The following SDR9C7 variants were observed in gnomAD, a reference collection of about 807,000 sequenced individuals.
SDR9C7 encodes the protein short chain dehydrogenase/reductase family 9C member 7.
SDR9C7 carries 11 observed loss-of-function variants against 23.6 expected under a neutral mutation model. The ratio of observed to expected loss-of-function variants is 0.47; its 90% confidence interval spans 0.29 to 0.77. The LOEUF (loss-of-function observed/expected upper bound fraction) is 0.77. SDR9C7 is among the 30% of genes least tolerant of loss of function. The pLI, the probability that SDR9C7 is intolerant of heterozygous loss-of-function variation, is 0.09. For synonymous variants in SDR9C7, 167 were observed against 157.3 expected (o/e 1.06, Z -0.46); for missense variants, 387 against 407.1 (o/e 0.95, Z 0.42).
chr12:56,929,585 C>T (rs755895744), intron 2 of SDR9C7, 32 bp from the exon 3 acceptor site: 1 of 1,587,148 alleles, frequency 6.3e-7, no homozygotes, highest in South Asian at 1.1e-5. Context: ...CAGTCTGGGC[C>T]CCAAGATGAC....
At chr12:56,929,649 T>C in intron 2 of SDR9C7, 96 bp from the exon 3 acceptor site, 1 of 1,384,120 alleles carries the variant, frequency 7.2e-7, no homozygotes, top group South Asian at 1.3e-5. Flanking sequence ...AACCTAGAGA[T>C]GCTTCTCTCA....
Position 56,934,080 on chromosome 12 carries a change from C to A in SDR9C7, c.182G>T (p.Gly61Val). 6.2e-7 allele frequency: 1 copy of A among 1,614,202 alleles called. No homozygotes were observed. Among genetic ancestry groups the A allele is most frequent in the Non-Finnish European group, 8.5e-7 (1 of 1,180,036 alleles). ...GGTATCCCGCTGAAGTTTCTGGGAT[C>A]CCTCCTCAGTGAAGCAAGCAGCCAG... The part of the protein sequence containing the change: ...QVLAACFTEE[G>V]SQKLQRDTSY... Residue 61 changes from glycine (G) to valine (V), a missense_variant, in exon 1 of 4, where the codon GGA (glycine) becomes GTA (valine). Transcript: ENST00000293502.
chr12:56,934,248 G>C lies in SDR9C7; in HGVS notation c.14C>G (p.Thr5Arg). ...CCAGCGATACATAAATGAGAGGTCTGTGAGGGCCGCCATAGGGCAAGGGGA... is the reference window on the plus strand; with the variant it reads ...CCAGCGATACATAAATGAGAGGTCTCTGAGGGCCGCCATAGGGCAAGGGGA... The part of the protein sequence containing the change: MAAL[T>R]DLSFMYRWFK... Residue 5 changes from threonine to arginine, a missense_variant, in exon 1 of 4, where the codon ACA becomes AGA. Thr to Arg is a moderately conservative substitution (Grantham distance 71). Coordinates refer to ENST00000293502, the MANE Select transcript of SDR9C7 (RefSeq NM_148897.3). The C allele has an allele frequency of 6.2e-7, 1 of 1,613,338 alleles. No individual in the cohort carries two copies. Among genetic ancestry groups the C allele is most frequent in the African/African-American group, 1.3e-5 (1 of 75,062 alleles).
Position 56,923,552 on chromosome 12 carries a change from A to G in SDR9C7, c.*281T>C. ...CCATGACTTTTCCAGGACCAGAAAAAGCTGTATCCTGATTGGGTGACAGAC... is the reference window on the plus strand; with the variant it reads ...CCATGACTTTTCCAGGACCAGAAAAGGCTGTATCCTGATTGGGTGACAGAC... On this transcript the variant is annotated 3_prime_UTR_variant, in exon 4 of 4. Transcript: ENST00000293502. The G allele has an allele frequency of 3.7e-6, 1 of 268,628 alleles. No individual in the cohort carries two copies. Among genetic ancestry groups the G allele is most frequent in the Non-Finnish European group, 7.0e-6 (1 of 142,998 alleles). The allele number at this position is 268,628 out of a possible 1,614,324, so 16.6% of individuals were successfully genotyped here. A position where few individuals can be genotyped will look rare whatever the true frequency, so the allele number is the denominator to read the frequency against.
chr12:56,925,554 C>T (rs941034053), intron 3 of SDR9C7, among the ~76,000 whole-genome samples: 1 of 152,150 alleles, frequency 6.6e-6, no homozygotes, highest in African/African-American at 2.4e-5. Flanking sequence ...GTCCCCTTCA[C>T]CCCAGACTCC....
At position 56,934,320 on chromosome 12, in the gene SDR9C7, G is replaced by A. The variant is rs1955785991; in HGVS notation, c.-59C>T. Reference sequence around the variant, plus strand: ...GGGCTCAGGAGACAGCAGGGAAGAAGCTGGTCCTCTGAGCCCTAGCAGGCA... The same window carrying A: ...GGGCTCAGGAGACAGCAGGGAAGAAACTGGTCCTCTGAGCCCTAGCAGGCA... On this transcript the variant is annotated 5_prime_UTR_variant, in exon 1 of 4. Coordinates refer to ENST00000293502, the MANE Select transcript of SDR9C7 (RefSeq NM_148897.3). 1.4e-6 allele frequency: 2 copies of A among 1,478,276 alleles called. No individual in the cohort carries two copies. The highest frequency in any genetic ancestry group is 2.8e-5 in the African/African-American group (2 of 72,136). The allele number at this position is 1,478,276 out of a possible 1,614,324, so 91.6% of individuals were successfully genotyped here.
rs1246589029 is a variant in SDR9C7 at position 56,923,891 on chromosome 12, G to A, written c.884C>T (p.Thr295Ile). 6 of 1,614,034 alleles carry A rather than the reference G, an allele frequency of 3.7e-6. No homozygotes were observed. In the East Asian group the frequency reaches 8.9e-5, roughly 24 times the overall value. Reference protein sequence around the residue: ...LLYIPLAKLPTPVTDFILSRY... With the variant: ...LLYIPLAKLPIPVTDFILSRY... ...GCTTAGGATGAAATCTGTCACAGGG[G>A]TGGGCAACTTAGCCAGAGGGATGTA... The change falls in exon 4 of 4, where the codon ACC becomes ATC. Residue 295 changes from threonine (T) to isoleucine (I), a missense_variant. Coordinates refer to ENST00000293502, the MANE Select transcript of SDR9C7 (RefSeq NM_148897.3).
At chr12:56,931,059 CCT>C (rs1263188701) in intron 1 of SDR9C7, among the ~76,000 whole-genome samples, 2 of 151,888 alleles carry the variant, frequency 1.3e-5, no homozygotes, top group Non-Finnish European at 2.9e-5. Flanking sequence ...GAGTAAGACC[CCT>C]GTCTCTACAA....
chr12:56,929,279 G>A (rs1180998581), intron 3 of SDR9C7, 111 bp downstream of exon 3: 58 of 1,070,852 alleles, frequency 5.4e-5, no homozygotes, highest in Non-Finnish European at 2.8e-6. Context: ...GTGACCTTGG[G>A]TCCTGAACTC....
chr12:56,927,075 C>T (rs992910147), intron 3 of SDR9C7, among the ~76,000 whole-genome samples: 3 of 152,140 alleles, frequency 2.0e-5, no homozygotes, highest in South Asian at 2.1e-4. Flanking sequence ...CTTGGGAAAA[C>T]GTTTATCTAA....
chr12:56,926,745 C>T (rs1592422112), intron 3 of SDR9C7, among the ~76,000 whole-genome samples: 1 of 152,304 alleles, frequency 6.6e-6, no homozygotes, highest in East Asian at 1.9e-4. Flanking sequence ...CAAAAGCATA[C>T]AATGCTATGT....
In SDR9C7 at chr12:56,930,343, A is replaced by C. The variant is rs1306813030; in HGVS notation, c.443T>G (p.Val148Gly). The change falls in exon 2 of 4, where the codon GTC becomes GGC. Residue 148 changes from valine to glycine, a missense_variant. Transcript: ENST00000293502. ...GACAACCCTGCCCCGGGCTCTCTTG[A>C]CCATGGGCAGCATGTGAAGGGTCAC... is the stretch of plus-strand genomic sequence containing the variant. The part of the protein sequence containing the change: ...IEVTLHMLPM[V>G]KRARGRVVNM... 2 of 1,613,996 alleles carry C rather than the reference A, an allele frequency of 1.2e-6. No individual in the cohort carries two copies. Among genetic ancestry groups the C allele is most frequent in the East Asian group, 2.2e-5 (1 of 44,888 alleles).
chr12:56,930,480 G>C lies in SDR9C7; in HGVS notation c.306C>G (p.Leu102=). Residue 102 remains leucine (L), a synonymous_variant, in exon 2 of 4, where the codon CTC becomes CTG. Coordinates refer to ENST00000293502, the MANE Select transcript of SDR9C7 (RefSeq NM_148897.3). The stretch of plus-strand genomic sequence containing the variant: ...CACCAGCATTGTTCACCAGGGCCCA[G>C]AGGCCTGGGGGTGAGATGAACCACA... The part of the protein sequence containing the change: ...WVRDKVGEQG[L]WALVNNAGVG... 6.2e-7 allele frequency: 1 copy of C among 1,614,028 alleles called. No homozygotes were observed. Among genetic ancestry groups the C allele is most frequent in the Non-Finnish European group, 8.5e-7 (1 of 1,179,952 alleles).
chr12:56,932,401 C>T (rs933336260), intron 1 of SDR9C7, among the ~76,000 whole-genome samples: 1 of 152,146 alleles, frequency 6.6e-6, no homozygotes, highest in African/African-American at 2.4e-5. Context: ...CTGGAAAAGT[C>T]GATGAGACGG....
At chr12:56,925,469 G>A (rs747240452) in intron 3 of SDR9C7, among the ~76,000 whole-genome samples, 1 of 152,332 alleles carries the variant, frequency 6.6e-6, no homozygotes, top group African/African-American at 2.4e-5. Context: ...GAATGGTCCA[G>A]GCAGGCAAGG....
At chr12:56,926,676 G>A (rs1955736217) in intron 3 of SDR9C7, among the ~76,000 whole-genome samples, 1 of 152,210 alleles carries the variant, frequency 6.6e-6, no homozygotes, top group Non-Finnish European at 1.5e-5. Flanking sequence ...CAAGTTTGGA[G>A]AGCTATACAA....
chr12:56,924,719 G>C (rs1445367325), intron 3 of SDR9C7, among the ~76,000 whole-genome samples: 1 of 151,524 alleles, frequency 6.6e-6, no homozygotes, highest in Non-Finnish European at 1.5e-5. Context: ...TCAGGAGTTT[G>C]AGACCAGCCT....
intron 1 of SDR9C7, among the ~76,000 whole-genome samples, chr12:56,933,016 T>C (rs757143936): frequency 3.3e-5 from 5 of 152,224 alleles, no homozygotes; most frequent in Non-Finnish European, 5.9e-5. Flanking sequence ...CTGTTCCTCC[T>C]GTTCCTGGGC....
chr12:56,933,653 C>A (rs540428326), intron 1 of SDR9C7, among the ~76,000 whole-genome samples: 24 of 152,242 alleles, frequency 1.6e-4, no homozygotes, highest in Non-Finnish European at 2.8e-4. Context: ...CCACCACGCC[C>A]AGCCAGGCAC....
Sources: allele counts gnomAD v4.1 joint callset (sites outside exome capture counted in the v4.1 genomes callset), GRCh38; gene constraint gnomAD v4.1.1; transcripts MANE v1.5; gene names NCBI Gene and HGNC (gene_info 2026-07-23, HGNC 2026-07-21).